The following CALN1 variants were observed in gnomAD, a reference collection of about 807,000 sequenced individuals.
The protein encoded by CALN1 is calcium-binding protein 8.
Under a neutral mutation model 30.6 loss-of-function variants are expected in CALN1, and 17 were observed. The observed-to-expected ratio is 0.56, with a 90% CI of 0.38 to 0.83. The LOEUF (loss-of-function observed/expected upper bound fraction) is 0.83. Ranked by LOEUF, CALN1 falls within the 40% of genes least tolerant of loss-of-function variation. The probability of loss-of-function intolerance (pLI) is 0.00; values close to 1 mark genes in which losing one functional copy is unlikely to be tolerated. For synonymous variants in CALN1, 156 were observed against 131.4 expected (o/e 1.19, Z -1.28); for missense variants, 291 against 354.9 (o/e 0.82, Z 1.45).
intron 2 of CALN1, among the ~76,000 whole-genome samples, chr7:72,370,149 T>A (rs944388747): frequency 1.4e-4 from 21 of 152,226 alleles, no homozygotes; most frequent in Admixed American, 1.3e-3. Context: ...CATTTTAACT[T>A]CAGACATTTT....
the CALN1 span, among the ~76,000 whole-genome samples, chr7:72,483,264 TTTCC>T: frequency 3.6e-3 from 469 of 128,832 alleles, 6 homozygotes; most frequent in African/African-American, 0.016. Flanking sequence ...GTTTGGTTTT[TTTCC>T]TTTTTCTTTT....
At chr7:72,105,145 T>A (rs1168086941) in intron 4 of CALN1, among the ~76,000 whole-genome samples, 2 of 152,060 alleles carry the variant, frequency 1.3e-5, no homozygotes, top group Non-Finnish European at 2.9e-5. Flanking sequence ...TTTACAAATC[T>A]GTGACTCTCG....
At chr7:72,207,206 C>T (rs978895816) in intron 3 of CALN1, among the ~76,000 whole-genome samples, 1 of 152,192 alleles carries the variant, frequency 6.6e-6, no homozygotes, top group African/African-American at 2.4e-5. Flanking sequence ...CCCCGATTCA[C>T]TAGGCTCCAA....
intron 4 of CALN1, among the ~76,000 whole-genome samples, chr7:72,064,293 A>T (rs542784410): frequency 3.2e-4 from 49 of 152,002 alleles, no homozygotes; most frequent in South Asian, 2.1e-3. Context: ...AAAAAAAAAA[A>T]AATAATTAAT....
At chr7:72,461,806 G>C in the CALN1 span, among the ~76,000 whole-genome samples, 2 of 152,152 alleles carry the variant, frequency 1.3e-5, no homozygotes, top group Non-Finnish European at 2.9e-5. Context: ...CCAGGAGTTT[G>C]AGACCAGCCT....
At chr7:72,457,705 C>T in the CALN1 span, among the ~76,000 whole-genome samples, 241 of 152,004 alleles carry the variant, frequency 1.6e-3, 2 homozygotes, top group Middle Eastern at 0.02. Context: ...GTCCCCCACT[C>T]TTTAAAGGTG....
chr7:72,178,368 G>A lies in CALN1; in HGVS notation c.245-72074C>T, dbSNP rs143557524. Among the ~76,000 whole-genome samples the A allele has an allele frequency of 4.7e-3, 719 of 152,272 alleles. 4 individuals carry two copies. The highest frequency in any genetic ancestry group is 0.01 in the Middle Eastern group (3 of 294). Reference sequence around the variant, plus strand: ...CAAGAGGTCGAATGGAGTAGCATTCGATACATAATCACTGTAACTGCTAAC... The same window carrying A: ...CAAGAGGTCGAATGGAGTAGCATTCAATACATAATCACTGTAACTGCTAAC... On this transcript the variant is annotated intron_variant, in intron 3 of 6. Coordinates refer to ENST00000395275, the MANE Select transcript of CALN1 (RefSeq NM_031468.4).
intron 3 of CALN1, among the ~76,000 whole-genome samples, chr7:72,147,847 G>C (rs1181262343): frequency 6.8e-6 from 1 of 146,648 alleles, no homozygotes. Flanking sequence ...CTATCGCAAG[G>C]ACAAAAAACC....
chr7:72,179,802 GCAATGCACAT>G (rs1789626116), intron 3 of CALN1, among the ~76,000 whole-genome samples: 1 of 151,862 alleles, frequency 6.6e-6, no homozygotes, highest in Admixed American at 6.6e-5. Flanking sequence ...CCTACGCACT[GCAATGCACAT>G]CTATTAAAAA....
chr7:72,079,771 T>A (rs962233421), intron 4 of CALN1, among the ~76,000 whole-genome samples: 1 of 101,106 alleles, frequency 9.9e-6, no homozygotes, highest in East Asian at 1.7e-3. Flanking sequence ...CTTTTTTTTT[T>A]TTTTTTTTTT....
At chr7:71,963,319 C>T (rs192822540) in intron 5 of CALN1, among the ~76,000 whole-genome samples, 30 of 151,994 alleles carry the variant, frequency 2.0e-4, no homozygotes, top group Admixed American at 1.3e-3. Context: ...CACGCCACCA[C>T]GCCCGGCTAA....
intron 2 of CALN1, among the ~76,000 whole-genome samples, chr7:72,376,527 A>G (rs1327388798): frequency 6.6e-6 from 1 of 151,892 alleles, no homozygotes; most frequent in East Asian, 1.9e-4. Flanking sequence ...AGAAATATCT[A>G]CTCTAATTAT....
intron 5 of CALN1, among the ~76,000 whole-genome samples, chr7:71,950,847 G>A (rs1373739489): frequency 6.6e-6 from 1 of 152,074 alleles, no homozygotes; most frequent in Non-Finnish European, 1.5e-5. Context: ...CCCACCTTAG[G>A]ACTTTGTATC....
intron 5 of CALN1, among the ~76,000 whole-genome samples, chr7:71,907,673 G>C (rs1241852735): frequency 1.3e-5 from 2 of 152,172 alleles, no homozygotes; most frequent in Non-Finnish European, 2.9e-5. Context: ...AATAACGATA[G>C]TTGCCAACCT....
chr7:72,336,395 G>A (rs1802039447), intron 2 of CALN1, among the ~76,000 whole-genome samples: 1 of 152,122 alleles, frequency 6.6e-6, no homozygotes, highest in Non-Finnish European at 1.5e-5. Flanking sequence ...CCAGCCTCCA[G>A]CCCGCACGGT....
chr7:72,395,639 G>A lies in CALN1; in HGVS notation c.119+7612C>T, dbSNP rs1222727066. On this transcript the variant is annotated intron_variant, in intron 2 of 6. Coordinates refer to ENST00000395275, the MANE Select transcript of CALN1 (RefSeq NM_031468.4). ...CACAAAGGAAGTCAATGGATCCCAGGTGAAAGTCAGATTGCCAAGAGGTGG... is the reference window on the plus strand; with the variant it reads ...CACAAAGGAAGTCAATGGATCCCAGATGAAAGTCAGATTGCCAAGAGGTGG... Among the ~76,000 whole-genome samples the A allele has an allele frequency of 3.3e-5, 5 of 152,132 alleles. 1 individual carries two copies. Among genetic ancestry groups the A allele is most frequent in the Non-Finnish European group, 5.9e-5 (4 of 68,010 alleles).
chr7:71,822,836 A>G (rs1198230933), intron 5 of CALN1, among the ~76,000 whole-genome samples: 1 of 152,160 alleles, frequency 6.6e-6, no homozygotes, highest in East Asian at 1.9e-4. Context: ...ATCTTTTTCT[A>G]GAATAGTATT....
At chr7:72,492,453 G>A in the CALN1 span, among the ~76,000 whole-genome samples, 1 of 152,198 alleles carries the variant, frequency 6.6e-6, no homozygotes, top group South Asian at 2.1e-4. Context: ...CACCCTTTGG[G>A]AGGTGCTTAC....
chr7:72,409,638 G>A (rs529298703), intron 1 of CALN1, among the ~76,000 whole-genome samples: 5 of 152,116 alleles, frequency 3.3e-5, no homozygotes, highest in African/African-American at 9.6e-5. Flanking sequence ...ATCACTGGGA[G>A]CAAGATTGAG....
Sources: allele counts gnomAD v4.1 joint callset (sites outside exome capture counted in the v4.1 genomes callset), GRCh38; gene constraint gnomAD v4.1.1; transcripts MANE v1.5; gene names NCBI Gene and HGNC (gene_info 2026-07-23, HGNC 2026-07-21).